The following SMURF2 variants were observed in gnomAD, a reference collection of about 807,000 sequenced individuals.
SMURF2 encodes the protein SMAD specific E3 ubiquitin protein ligase 2.
Under a neutral mutation model 109.6 loss-of-function variants are expected in SMURF2, and 48 were observed. That is an observed-to-expected ratio of 0.44 (90% CI 0.35 to 0.56). The LOEUF (loss-of-function observed/expected upper bound fraction) is 0.56, where lower values mean the gene tolerates loss of function less well. SMURF2 is among the 20% of genes least tolerant of loss of function. The pLI, the probability that SMURF2 is intolerant of heterozygous loss-of-function variation, is 0.01. For missense variants in SMURF2, 575 were observed against 909.0 expected, an observed-to-expected ratio of 0.63 and a Z score of 4.72; for synonymous variants, 288 against 317.1, an observed-to-expected ratio of 0.91 and a Z score of 0.97.
At chr17:64,657,707 A>G (rs1970723028) in intron 1 of SMURF2, among the ~76,000 whole-genome samples, 1 of 150,718 alleles carries the variant, frequency 6.6e-6, no homozygotes, top group Non-Finnish European at 1.5e-5. Context: ...CAACAGAATG[A>G]GATTCTGCCT....
At chr17:64,599,482 G>T (rs147965862) in intron 2 of SMURF2, among the ~76,000 whole-genome samples, 1 of 152,206 alleles carries the variant, frequency 6.6e-6, no homozygotes, top group Non-Finnish European at 1.5e-5. Flanking sequence ...TTTAAGGCAG[G>T]CGTCTCCAAC....
intron 12 of SMURF2, among the ~76,000 whole-genome samples, chr17:64,559,187 A>T (rs984410231): frequency 6.6e-6 from 1 of 151,914 alleles, no homozygotes; most frequent in Non-Finnish European, 1.5e-5. Flanking sequence ...TAGAACACAA[A>T]TAAGAGCAGA....
chr17:64,644,254 C>T (rs1555692821), intron 1 of SMURF2, among the ~76,000 whole-genome samples: 1 of 152,044 alleles, frequency 6.6e-6, no homozygotes, highest in African/African-American at 2.4e-5. Flanking sequence ...GCTGGGATTT[C>T]AGGCATAAGC....
intron 1 of SMURF2, among the ~76,000 whole-genome samples, chr17:64,619,958 C>G (rs956582427): frequency 6.6e-6 from 1 of 152,106 alleles, no homozygotes; most frequent in African/African-American, 2.4e-5. Context: ...TCCCAAGCTC[C>G]GAACTCATAC....
chr17:64,551,408 A>T (rs76097728), intron 16 of SMURF2, among the ~76,000 whole-genome samples, 176 bp downstream of exon 16: 1 of 152,118 alleles, frequency 6.6e-6, no homozygotes, highest in Non-Finnish European at 1.5e-5. Context: ...AGAAATTCCA[A>T]AGCATGAAAG....
intron 1 of SMURF2, among the ~76,000 whole-genome samples, chr17:64,661,111 G>A (rs1970769280): frequency 6.6e-6 from 1 of 152,066 alleles, no homozygotes; most frequent in South Asian, 2.1e-4. Flanking sequence ...AAGCAGGTCT[G>A]GCGTTAGAAG....
chr17:64,551,776 T>C (rs1969049446), intron 15 of SMURF2, 72 bp from the exon 16 acceptor site: 7 of 1,574,324 alleles, frequency 4.4e-6, no homozygotes, highest in Non-Finnish European at 5.2e-6. Flanking sequence ...TATAAATCTC[T>C]ACTTTAGCAA....
At chr17:64,615,679 GT>G (rs1970111051) in intron 1 of SMURF2, among the ~76,000 whole-genome samples, 1 of 152,052 alleles carries the variant, frequency 6.6e-6, no homozygotes, top group Admixed American at 6.5e-5. Flanking sequence ...CATTCAAGGT[GT>G]TATTACAAAA....
chr17:64,569,158 G>A (rs146998771), intron 10 of SMURF2, among the ~76,000 whole-genome samples: 7,546 of 151,934 alleles, frequency 0.05, 296 homozygotes, highest in Admixed American at 0.13. Context: ...AAATTAGCTC[G>A]GCGTGGTGGC....
At chr17:64,608,994 T>C (rs1598294211) in intron 1 of SMURF2, among the ~76,000 whole-genome samples, 2 of 152,094 alleles carry the variant, frequency 1.3e-5, no homozygotes, top group African/African-American at 2.4e-5. Flanking sequence ...AGCATTCCTA[T>C]ACACCAATAA....
intron 9 of SMURF2, among the ~76,000 whole-genome samples, chr17:64,577,546 A>G (rs1281832093): frequency 8.7e-5 from 13 of 150,002 alleles, no homozygotes; most frequent in African/African-American, 3.0e-4. Context: ...TAGAACTTAA[A>G]GTATAATAAA....
At chr17:64,590,396 G>A (rs1263074995) in intron 5 of SMURF2, among the ~76,000 whole-genome samples, 1 of 152,104 alleles carries the variant, frequency 6.6e-6, no homozygotes, top group Non-Finnish European at 1.5e-5. Flanking sequence ...ACCCGCCTCA[G>A]CCTCCCAAAG....
chr17:64,598,835 G>A (rs1555688321), intron 2 of SMURF2, among the ~76,000 whole-genome samples: 1 of 152,158 alleles, frequency 6.6e-6, no homozygotes, highest in East Asian at 1.9e-4. Context: ...ACCATTCATG[G>A]CTTTTTCTTT....
intron 1 of SMURF2, among the ~76,000 whole-genome samples, chr17:64,621,986 A>T (rs1488496574): frequency 1.5e-5 from 2 of 130,998 alleles, no homozygotes; most frequent in Admixed American, 9.2e-5. Flanking sequence ...TAATAATAAT[A>T]AAAAAAAGCA....
intron 1 of SMURF2, among the ~76,000 whole-genome samples, chr17:64,619,212 C>T (rs1287942951): frequency 6.6e-6 from 1 of 152,042 alleles, no homozygotes; most frequent in East Asian, 1.9e-4. Context: ...GGCACGGTGG[C>T]TCATGCCTGT....
intron 1 of SMURF2, among the ~76,000 whole-genome samples, chr17:64,618,947 T>C (rs782272325): frequency 3.3e-5 from 5 of 152,184 alleles, no homozygotes; most frequent in Non-Finnish European, 5.9e-5. Context: ...CCTTATGAAC[T>C]TGTGACCCTA....
chr17:64,551,358 GA>G (rs373237402), intron 16 of SMURF2, among the ~76,000 whole-genome samples: 40 of 139,522 alleles, frequency 2.9e-4, no homozygotes, highest in East Asian at 4.1e-4. Context: ...CCCTGTCTCA[GA>G]AAAAAAAAAA....
intron 1 of SMURF2, among the ~76,000 whole-genome samples, chr17:64,643,898 C>T (rs1401139394): frequency 1.3e-5 from 2 of 150,800 alleles, no homozygotes; most frequent in African/African-American, 2.4e-5. Context: ...GTGATCTCGG[C>T]TCACTGCAGC....
chr17:64,646,661 C>G (rs782748155), intron 1 of SMURF2, among the ~76,000 whole-genome samples: 9 of 152,160 alleles, frequency 5.9e-5, no homozygotes, highest in Non-Finnish European at 1.2e-4. Context: ...GGATTACAGG[C>G]ATGAGCCACC....
Sources: gnomAD v4.1 joint callset for allele counts (sites outside exome capture counted in the v4.1 genomes callset) on GRCh38, gnomAD v4.1.1 for gene constraint, MANE v1.5 for transcripts, NCBI Gene and HGNC (gene_info 2026-07-23, HGNC 2026-07-21) for gene names.